FOXN3: variants seen among roughly 807,000 people sequenced by gnomAD.
The protein encoded by FOXN3 is forkhead box protein N3.
Under a neutral mutation model 38.4 loss-of-function variants are expected in FOXN3, and 7 were observed. The ratio of observed to expected loss-of-function variants is 0.18; its 90% CI spans 0.10 to 0.34. The LOEUF is 0.34. Among genes scored for constraint, FOXN3 ranks in the 10% least tolerant of loss-of-function variants. FOXN3 has a pLI of 1.00. For synonymous variants in FOXN3, 230 were observed against 242.2 expected, an observed-to-expected ratio of 0.95 and a Z score of 0.47; for missense variants, 456 against 613.4, an observed-to-expected ratio of 0.74 and a Z score of 2.71.
intron 1 of FOXN3, among the ~76,000 whole-genome samples, chr14:89,539,186 AT>A (rs1331334999): frequency 2.6e-5 from 4 of 152,296 alleles, no homozygotes; most frequent in Admixed American, 2.0e-4. Context: ...ATAATACCAA[AT>A]TCTTCACTTG....
At chr14:89,417,244 G>A (rs927342170), upstream of FOXN3, 2 of 147,440 alleles carry the variant, frequency 1.4e-5, no homozygotes, top group African/African-American at 4.9e-5. Flanking sequence ...GACCAGGCAG[G>A]AGGAGGGGAA....
At chr14:89,310,012 A>G (rs908228055) in intron 3 of FOXN3, among the ~76,000 whole-genome samples, 1 of 152,156 alleles carries the variant, frequency 6.6e-6, no homozygotes, top group African/African-American at 2.4e-5. Context: ...CATCCTACCC[A>G]TGCGGGGGTG....
chr14:89,226,148 T>A (rs1183735949), intron 4 of FOXN3, among the ~76,000 whole-genome samples: 1 of 149,766 alleles, frequency 6.7e-6, no homozygotes, highest in Non-Finnish European at 1.5e-5. Context: ...CTAGTTGTTT[T>A]CTGACCATTG....
intron 3 of FOXN3, among the ~76,000 whole-genome samples, chr14:89,294,776 T>A (rs1886984789): frequency 6.6e-6 from 1 of 152,138 alleles, no homozygotes; most frequent in South Asian, 2.1e-4. Flanking sequence ...GCATGAATAA[T>A]CCACCCCTTG....
At chr14:89,167,332 G>A (rs1209232669) in intron 5 of FOXN3, among the ~76,000 whole-genome samples, 2 of 152,208 alleles carry the variant, frequency 1.3e-5, no homozygotes, top group Non-Finnish European at 2.9e-5. Context: ...TTAATTAGGG[G>A]TTCCACTACA....
rs192793928 is a variant in FOXN3 at position 89,389,465 on chromosome 14, C to T, written c.543+22469G>A. ...GCGCCCAATCAAGACCAAAGATTCACGCCAATTGATTTCCCTCTTTCTCAA... is the reference window on the plus strand; with the variant it reads ...GCGCCCAATCAAGACCAAAGATTCATGCCAATTGATTTCCCTCTTTCTCAA... On this transcript the variant is annotated intron_variant, in intron 2 of 5. Transcript: ENST00000557258. Among the ~76,000 whole-genome samples, 57 of 152,302 alleles carry T rather than the reference C, an allele frequency of 3.7e-4. No homozygotes were observed. In the East Asian group the frequency reaches 4.4e-3, roughly 12 times the overall value.
intron 1 of FOXN3, among the ~76,000 whole-genome samples, chr14:89,531,063 ATAT>A (rs890856327): frequency 3.2e-4 from 47 of 147,438 alleles, no homozygotes; most frequent in African/African-American, 1.1e-3. Flanking sequence ...ATACACATAT[ATAT>A]TATATATACA....
chr14:89,252,286 CT>C (rs1435974573), intron 4 of FOXN3, among the ~76,000 whole-genome samples: 2 of 152,308 alleles, frequency 1.3e-5, no homozygotes, highest in East Asian at 1.9e-4. Flanking sequence ...TATACTACCC[CT>C]GGTACACAGA....
chr14:89,288,602 T>C (rs1414247023), intron 3 of FOXN3, among the ~76,000 whole-genome samples: 2 of 148,502 alleles, frequency 1.3e-5, no homozygotes, highest in Non-Finnish European at 3.0e-5. Flanking sequence ...ATCCAAATAC[T>C]ACACAGATAT....
At chr14:89,318,708 C>A (rs1352842955) in intron 3 of FOXN3, among the ~76,000 whole-genome samples, 1 of 152,176 alleles carries the variant, frequency 6.6e-6, no homozygotes, top group African/African-American at 2.4e-5. Context: ...CAGATACAGA[C>A]AAGGACACTA....
At chr14:89,204,838 GCATC>G (rs951591142) in intron 4 of FOXN3, among the ~76,000 whole-genome samples, 10 of 150,488 alleles carry the variant, frequency 6.6e-5, no homozygotes, top group Non-Finnish European at 1.0e-4. Flanking sequence ...ATGCATTCAT[GCATC>G]CATCCATCCA....
chr14:89,512,010 C>T (rs1236371586), intron 1 of FOXN3, among the ~76,000 whole-genome samples: 1 of 152,188 alleles, frequency 6.6e-6, no homozygotes, highest in Non-Finnish European at 1.5e-5. Context: ...AAGGGAACTA[C>T]AATTCAAGAT....
intron 1 of FOXN3, among the ~76,000 whole-genome samples, chr14:89,469,600 G>A (rs900563762): frequency 2.1e-4 from 32 of 152,162 alleles, no homozygotes; most frequent in Non-Finnish European, 7.3e-5. Context: ...TTCTTTAACT[G>A]GGAAAGAAAG....
intron 1 of FOXN3, among the ~76,000 whole-genome samples, chr14:89,594,653 T>A (rs1745864542): frequency 6.6e-6 from 1 of 152,240 alleles, no homozygotes; most frequent in African/African-American, 2.4e-5. Context: ...ATCTCTTAAG[T>A]TGCCTTTCAT....
chr14:89,324,703 T>C lies in FOXN3; in HGVS notation c.680+25969A>G, dbSNP rs8020348. Among the ~76,000 whole-genome samples, 1,196 of 152,202 alleles carry C rather than the reference T, an allele frequency of 7.9e-3. 13 individuals are homozygous for C. Among genetic ancestry groups the C allele is most frequent in the African/African-American group, 0.028 (1,152 of 41,522 alleles). ...CAGGGACCCACACACATGGGTCCCCTGAAAACCACAGCAGGTTGTGAGAAC... is the reference window on the plus strand; with the variant it reads ...CAGGGACCCACACACATGGGTCCCCCGAAAACCACAGCAGGTTGTGAGAAC... On this transcript the variant is annotated intron_variant, in intron 3 of 5. Coordinates refer to ENST00000557258, the MANE Select transcript of FOXN3 (RefSeq NM_005197.4).
intron 3 of FOXN3, among the ~76,000 whole-genome samples, chr14:89,331,336 C>G (rs1888242224): frequency 6.6e-6 from 1 of 152,196 alleles, no homozygotes; most frequent in Non-Finnish European, 1.5e-5. Context: ...TTTTTTCACT[C>G]TGCATAATGT....
chr14:89,235,593 T>C (rs185609467), intron 4 of FOXN3, among the ~76,000 whole-genome samples: 137 of 152,310 alleles, frequency 9.0e-4, no homozygotes, highest in African/African-American at 3.1e-3. Context: ...CATGTGACTA[T>C]GTTAGATTTC....
chr14:89,266,972 T>A (rs1885998866), intron 4 of FOXN3, among the ~76,000 whole-genome samples: 1 of 152,132 alleles, frequency 6.6e-6, no homozygotes. Flanking sequence ...CAGACAGCAC[T>A]TGAGCATGAC....
At position 89,348,401 on chromosome 14, in the gene FOXN3, GT is replaced by G. The variant is rs374237612; in HGVS notation, c.680+2270del. On this transcript the variant is annotated intron_variant, in intron 3 of 5. Transcript: ENST00000557258. ...GAATTGAACCAAATGCCACATCACT[GT>G]TAAGACACAGAAATATTGTACAATT... Among the ~76,000 whole-genome samples the G allele has an allele frequency of 5.9e-3, 897 of 152,264 alleles. 18 individuals are homozygous for G. Among genetic ancestry groups the G allele is most frequent in the African/African-American group, 0.02 (841 of 41,530 alleles).
Sources: allele counts gnomAD v4.1 joint callset (sites outside exome capture counted in the v4.1 genomes callset), GRCh38; gene constraint gnomAD v4.1.1; transcripts MANE v1.5; gene names NCBI Gene and HGNC (gene_info 2026-07-23, HGNC 2026-07-21).